The following SOS1 variants were observed in gnomAD, a reference collection of about 807,000 sequenced individuals.
SOS1 encodes the protein SOS Ras/Rac guanine nucleotide exchange factor 1.
A neutral mutation model predicts 157.6 loss-of-function variants in SOS1; 25 were observed. The ratio of observed to expected loss-of-function variants is 0.16; its 90% CI spans 0.12 to 0.22. The LOEUF (loss-of-function observed/expected upper bound fraction) is 0.22, where lower values mean the gene tolerates loss of function less well. Among genes scored for constraint, SOS1 ranks in the 10% least tolerant of loss-of-function variants. The pLI, the probability that SOS1 is intolerant of heterozygous loss-of-function variation, is 1.00. For synonymous variants in SOS1, 528 were observed against 534.0 expected, an observed-to-expected ratio of 0.99 and a Z score of 0.16; for missense variants, 1,237 against 1,599.1, an observed-to-expected ratio of 0.77 and a Z score of 3.86.
At chr2:39,071,004 A>T (rs1031747183) in intron 1 of SOS1, among the ~76,000 whole-genome samples, 1 of 152,138 alleles carries the variant, frequency 6.6e-6, no homozygotes, top group Non-Finnish European at 1.5e-5. Context: ...CTGGGATTAC[A>T]GGTGCCTGCC....
intron 1 of SOS1, among the ~76,000 whole-genome samples, chr2:39,074,211 G>A (rs1671884953): frequency 6.6e-6 from 1 of 152,070 alleles, no homozygotes; most frequent in South Asian, 2.1e-4. Context: ...TTAGCCAGGT[G>A]CGGTGGTGCC....
chr2:39,014,115 C>A, intron 11 of SOS1, 126 bp from the exon 12 acceptor site: 1 of 672,884 alleles, frequency 1.5e-6, no homozygotes, highest in Non-Finnish European at 2.6e-6. Flanking sequence ...TGAAGATATG[C>A]ATATCAGTGT....
intron 17 of SOS1, among the ~76,000 whole-genome samples, chr2:39,005,462 T>C (rs1387479877): frequency 6.6e-6 from 1 of 152,144 alleles, no homozygotes; most frequent in Admixed American, 6.5e-5. Context: ...TTATGGAATA[T>C]TATGCAGCCA....
chr2:39,117,078 G>T (rs965509098), intron 1 of SOS1, among the ~76,000 whole-genome samples: 14 of 150,378 alleles, frequency 9.3e-5, no homozygotes, highest in Non-Finnish European at 8.9e-5. Flanking sequence ...GCCCAGGTTG[G>T]AGTGCAGTGG....
chr2:39,029,458 T>A (rs1670080606), intron 8 of SOS1, among the ~76,000 whole-genome samples: 1 of 152,036 alleles, frequency 6.6e-6, no homozygotes, highest in Admixed American at 6.6e-5. Flanking sequence ...AGATGCCGTC[T>A]CTACCAGAAA....
chr2:39,061,463 C>T (rs540336473), intron 2 of SOS1, among the ~76,000 whole-genome samples: 6 of 152,294 alleles, frequency 3.9e-5, no homozygotes, highest in Non-Finnish European at 8.8e-5. Context: ...TCATAGCTCA[C>T]TGGAGCCTCA....
At chr2:39,076,534 C>CTTAT (rs1346754740) in intron 1 of SOS1, among the ~76,000 whole-genome samples, 1 of 152,056 alleles carries the variant, frequency 6.6e-6, no homozygotes, top group African/African-American at 2.4e-5. Flanking sequence ...CTCACATTAA[C>CTTAT]AGATAAAAGG....
intron 2 of SOS1, among the ~76,000 whole-genome samples, chr2:39,062,255 T>C (rs945777723): frequency 6.6e-6 from 1 of 151,246 alleles, no homozygotes; most frequent in African/African-American, 2.4e-5. Flanking sequence ...CTGTCTCTAC[T>C]AAAAATACAA....
rs543461289 is a variant in SOS1 at position 39,089,178 on chromosome 2, C to T, written c.88-21425G>A. ...CACTGATTCAATATTAGGCAGCCCT[C>T]AAAATAGGGAAGAAACGAGCAAGAA... On this transcript the variant is annotated intron_variant, in intron 1 of 22. Transcript: ENST00000402219. Among the ~76,000 whole-genome samples the T allele has an allele frequency of 3.9e-5, 6 of 152,216 alleles. No individual in the cohort carries two copies. In the East Asian group the frequency reaches 1.2e-3, roughly 29 times the overall value.
In SOS1 at chr2:39,101,437, T is replaced by G. The variant is rs367773862; in HGVS notation, c.87+18899A>C. The stretch of plus-strand genomic sequence containing the variant: ...AACTGCAAAAGTAGTTTCATTATTA[T>G]GCCTAGATCAACTGTTGAACAACTA... On this transcript the variant is annotated intron_variant, in intron 1 of 22. Transcript: ENST00000402219. Among the ~76,000 whole-genome samples, 3 of 152,346 alleles carry G rather than the reference T, an allele frequency of 2.0e-5. No homozygotes were observed. The South Asian group carries it at 6.2e-4, about 32-fold the overall frequency.
chr2:39,013,628 G>C (rs1669536281), intron 12 of SOS1, 65 bp from the exon 13 acceptor site: 1 of 1,100,744 alleles, frequency 9.1e-7, no homozygotes, highest in African/African-American at 1.5e-5. Context: ...ACAATGCACA[G>C]TACAATACAA....
intron 20 of SOS1, among the ~76,000 whole-genome samples, chr2:38,990,766 T>A (rs1464988362): frequency 6.6e-6 from 1 of 152,176 alleles, no homozygotes; most frequent in Non-Finnish European, 1.5e-5. Context: ...TTGAGTATAT[T>A]TATATATAGC....
chr2:39,103,549 C>A (rs1673052311), intron 1 of SOS1, among the ~76,000 whole-genome samples: 1 of 152,116 alleles, frequency 6.6e-6, no homozygotes, highest in African/African-American at 2.4e-5. Flanking sequence ...AGAAATAAGA[C>A]CCTGCTCAAC....
At position 39,013,361 on chromosome 2, in the gene SOS1, A is replaced by G. The variant is rs146071366; in HGVS notation, c.2167+99T>C. 6.2e-4 allele frequency: 496 copies of G among 805,730 alleles called. 4 individuals are homozygous for G. In the African/African-American group the frequency reaches 6.6e-3, roughly 11 times the overall value. The allele number at this position is 805,730 out of a possible 1,614,324, so 49.9% of individuals were successfully genotyped here. A position where few individuals can be genotyped will look rare whatever the true frequency, so the allele number is the denominator to read the frequency against. ...AAATGGTTATGCTGGTACTATTATA[A>G]ACATCTTACATTACTGAGCCCCAAT... On this transcript the variant is annotated intron_variant, in intron 13 of 22. Transcript: ENST00000402219.
At chr2:39,010,763 T>C in intron 14 of SOS1, 60 bp from the exon 15 acceptor site, 1 of 1,368,886 alleles carries the variant, frequency 7.3e-7, no homozygotes, top group South Asian at 1.2e-5. Flanking sequence ...GACATTGTTT[T>C]ATTAAGTAAA....
At chr2:39,019,870 A>T (rs1669742468) in intron 10 of SOS1, among the ~76,000 whole-genome samples, 1 of 151,648 alleles carries the variant, frequency 6.6e-6, no homozygotes, top group African/African-American at 2.4e-5. Flanking sequence ...TCTTCATAGT[A>T]CGCACGTTTG....
chr2:39,115,118 C>T (rs1028244096), intron 1 of SOS1, among the ~76,000 whole-genome samples: 3 of 151,986 alleles, frequency 2.0e-5, no homozygotes, highest in Admixed American at 1.3e-4. Flanking sequence ...TTTAAAATAC[C>T]TTCATTGAGG....
At chr2:39,016,165 C>T (rs1669622659) in intron 10 of SOS1, among the ~76,000 whole-genome samples, 1 of 151,926 alleles carries the variant, frequency 6.6e-6, no homozygotes, top group Non-Finnish European at 1.5e-5. Context: ...AATATACTTC[C>T]AATCTATTGA....
In SOS1 at chr2:39,023,282, TGTAA is replaced by T. The variant is rs374695121; in HGVS notation, c.1203-61_1203-58del. On this transcript the variant is annotated intron_variant, in intron 9 of 22. Coordinates refer to ENST00000402219, the MANE Select transcript of SOS1 (RefSeq NM_005633.4). ...TAGATGACAGAAAACCTAGAGCTCA[TGTAA>T]GTAAGGGAAAGTGTAAAAGTAGATT... The T allele has an allele frequency of 4.0e-4, 523 of 1,307,986 alleles. 4 individuals carry two copies. The African/African-American group carries it at 5.9e-3, about 15-fold the overall frequency. The allele number at this position is 1,307,986 out of a possible 1,614,324, so 81.0% of individuals were successfully genotyped here. A position where few individuals can be genotyped will look rare whatever the true frequency, so the allele number is the denominator to read the frequency against.
Sources: allele counts gnomAD v4.1 joint callset (sites outside exome capture counted in the v4.1 genomes callset), GRCh38; gene constraint gnomAD v4.1.1; transcripts MANE v1.5; gene names NCBI Gene and HGNC (gene_info 2026-07-23, HGNC 2026-07-21).